ZNF234: variants seen among roughly 807,000 people sequenced by gnomAD.
ZNF234 encodes the protein zinc finger protein 234.
Under a neutral mutation model 10.3 loss-of-function variants are expected in ZNF234, and 4 were observed. The ratio of observed to expected loss-of-function variants is 0.39; its 90% CI spans 0.19 to 0.89. The LOEUF is 0.89. ZNF234 is among the 40% of genes least tolerant of loss of function. The probability of loss-of-function intolerance (pLI) is 0.38; values close to 1 mark genes in which losing one functional copy is unlikely to be tolerated. For missense variants in ZNF234, 711 were observed against 836.1 expected, an observed-to-expected ratio of 0.85 and a Z score of 1.85; for synonymous variants, 258 against 280.1, an observed-to-expected ratio of 0.92 and a Z score of 0.79.
At chr19:44,148,048 T>C (rs1385311675) in intron 3 of ZNF234, among the ~76,000 whole-genome samples, 2 of 152,178 alleles carry the variant, frequency 1.3e-5, no homozygotes, top group Admixed American at 6.5e-5. Flanking sequence ...TAATAATAGA[T>C]AATAGCTAAT....
At position 44,157,664 on chromosome 19, in the gene ZNF234, A is replaced by G. The variant is rs747789071; in HGVS notation, c.1648A>G (p.Ser550Gly). ...FKCEECGKSF[S>G]RSAHLQAHQK... ...ATGTGAAGAGTGTGGGAAGAGCTTC[A>G]GTCGGAGTGCACACCTTCAAGCCCA... Residue 550 changes from serine to glycine, a missense_variant, in exon 6 of 6, where the codon AGT becomes GGT. Ser to Gly is a moderately conservative substitution (Grantham distance 56, BLOSUM62 0). Transcript: ENST00000426739. 1.9e-6 allele frequency: 3 copies of G among 1,614,154 alleles called. No homozygotes were observed. The South Asian group carries it at 3.3e-5, about 18-fold the overall frequency.
chr19:44,150,597 C>A, intron 5 of ZNF234, 92 bp downstream of exon 5: 1 of 1,021,464 alleles, frequency 9.8e-7, no homozygotes, highest in Non-Finnish European at 1.4e-6. Flanking sequence ...TCCAAATTGC[C>A]AAACCTCTGT....
chr19:44,143,418 G>T (rs1419636471), intron 2 of ZNF234, among the ~76,000 whole-genome samples: 1 of 152,082 alleles, frequency 6.6e-6, no homozygotes, highest in Admixed American at 6.5e-5. Flanking sequence ...GACCATCCTG[G>T]CTAACATGGT....
chr19:44,158,612 A>G lies in ZNF234; in HGVS notation c.*493A>G, dbSNP rs548891086. On this transcript the variant is annotated 3_prime_UTR_variant, in exon 6 of 6. Transcript: ENST00000426739. ...TTCTCTTATTTAAAATATTTGTTTTATTTAAGTCAGTGTTTAAGCAATAGC... is the reference window on the plus strand; with the variant it reads ...TTCTCTTATTTAAAATATTTGTTTTGTTTAAGTCAGTGTTTAAGCAATAGC... 2.2e-5 allele frequency: 4 copies of G among 185,434 alleles called. No homozygotes were observed. The East Asian group carries it at 4.6e-4, about 21-fold the overall frequency. The allele number at this position is 185,434 out of a possible 1,614,324, so 11.5% of individuals were successfully genotyped here.
chr19:44,156,574 T>C lies in ZNF234; in HGVS notation c.558T>C (p.Cys186=), dbSNP rs775049777. ...GTGATGAGTGTGGAAAAAGCTTCTGTTACATCTCAGCCCTTCATATTCATC... is the reference window on the plus strand; with the variant it reads ...GTGATGAGTGTGGAAAAAGCTTCTGCTACATCTCAGCCCTTCATATTCATC... ...HTCDECGKSF[C]YISALHIHQR... Residue 186 remains cysteine, a synonymous_variant, in exon 6 of 6, where the codon TGT becomes TGC. Transcript: ENST00000426739. 6.2e-7 allele frequency: 1 copy of C among 1,613,984 alleles called. No homozygotes were observed. The highest frequency in any genetic ancestry group is 1.3e-5 in the African/African-American group (1 of 74,908).
At position 44,158,727 on chromosome 19, in the gene ZNF234, T is replaced by C. The variant is rs996670951; in HGVS notation, c.*608T>C. ...CATTCTGTCAAAACTTTGACATTTA[T>C]GACATGTTACCTAGGAAATAGGACT... On this transcript the variant is annotated 3_prime_UTR_variant, in exon 6 of 6. Coordinates refer to ENST00000426739, the MANE Select transcript of ZNF234 (RefSeq NM_006630.3). 2 of 154,356 alleles carry C rather than the reference T, an allele frequency of 1.3e-5. No homozygotes were observed. The allele number at this position is 154,356 out of a possible 1,614,324, so 9.6% of individuals were successfully genotyped here. A position where few individuals can be genotyped will look rare whatever the true frequency, so the allele number is the denominator to read the frequency against.
intron 5 of ZNF234, among the ~76,000 whole-genome samples, chr19:44,155,256 G>T (rs898058138): frequency 1.3e-5 from 2 of 152,090 alleles, no homozygotes; most frequent in African/African-American, 4.8e-5. Context: ...GAATATTCAA[G>T]AATATGGTTG....
At chr19:44,143,391 C>T (rs1329080969) in intron 2 of ZNF234, among the ~76,000 whole-genome samples, 1 of 152,076 alleles carries the variant, frequency 6.6e-6, no homozygotes, top group Non-Finnish European at 1.5e-5. Context: ...GGGCGGATCA[C>T]GAGGTCAGGA....
intron 5 of ZNF234, among the ~76,000 whole-genome samples, chr19:44,152,345 G>A (rs1968762664): frequency 6.6e-6 from 1 of 152,136 alleles, no homozygotes; most frequent in African/African-American, 2.4e-5. Flanking sequence ...AATATCTGTT[G>A]GCATAATGAA....
Position 44,157,495 on chromosome 19 carries a change from T to C in ZNF234, c.1479T>C (p.Phe493=), listed in dbSNP as rs1330980521. 2 of 1,613,938 alleles carry C rather than the reference T, an allele frequency of 1.2e-6. No individual in the cohort carries two copies. Among genetic ancestry groups the C allele is most frequent in the Non-Finnish European group, 8.5e-7 (1 of 1,179,962 alleles). Residue 493 remains phenylalanine, a synonymous_variant, in exon 6 of 6, where the codon TTT becomes TTC. Transcript: ENST00000426739. ...AATGTGAAGAGTGCGGAAAGGGATT[T>C]AGTCGTAGAGCAGATCTTAAAATTC... The part of the protein sequence containing the change: ...PYKCEECGKG[F]SRRADLKIHC...
chr19:44,156,152 C>A lies in ZNF234; in HGVS notation c.236-100C>A, dbSNP rs565860214. ...GGAAAAGACCATTACACAAACTGGACCTTCTCTGGATTTGTTAAAATCGCA... is the reference window on the plus strand; with the variant it reads ...GGAAAAGACCATTACACAAACTGGAACTTCTCTGGATTTGTTAAAATCGCA... On this transcript the variant is annotated intron_variant, in intron 5 of 5. Coordinates refer to ENST00000426739, the MANE Select transcript of ZNF234 (RefSeq NM_006630.3). 3.0e-5 allele frequency: 32 copies of A among 1,070,126 alleles called. 1 individual carries two copies. The highest frequency in any genetic ancestry group is 4.3e-5 in the Non-Finnish European group (32 of 738,148). The allele number at this position is 1,070,126 out of a possible 1,614,324, so 66.3% of individuals were successfully genotyped here.
intron 3 of ZNF234, among the ~76,000 whole-genome samples, chr19:44,146,756 C>T (rs1172487845): frequency 6.7e-6 from 1 of 149,582 alleles, no homozygotes; most frequent in African/African-American, 2.5e-5. Context: ...TTATAACCTG[C>T]TTTTGGTCAT....
rs946969829 is a variant in ZNF234 at position 44,157,887 on chromosome 19, A to G, written c.1871A>G (p.Tyr624Cys). 1 of 1,614,170 alleles carries G rather than the reference A, an allele frequency of 6.2e-7. No homozygotes were observed. Among genetic ancestry groups the G allele is most frequent in the African/African-American group, 1.3e-5 (1 of 75,044 alleles). ...HQSVHTGEKP[Y>C]KCDVCGKVFS... Reference sequence around the variant, plus strand: ...AGTGTCCACACAGGAGAGAAACCATACAAATGTGATGTATGTGGTAAAGTC... The same window carrying G: ...AGTGTCCACACAGGAGAGAAACCATGCAAATGTGATGTATGTGGTAAAGTC... The change falls in exon 6 of 6, where the codon TAC becomes TGC. Residue 624 changes from tyrosine (Y) to cysteine (C), a missense_variant. Physicochemically the swap from Tyr to Cys is radical, Grantham distance 194. Transcript: ENST00000426739.
chr19:44,148,986 TAG>T, intron 4 of ZNF234, 89 bp downstream of exon 4: 1 of 1,466,872 alleles, frequency 6.8e-7, no homozygotes, highest in South Asian at 1.4e-5. Context: ...GGTCTTGAAT[TAG>T]TCGCCTACAT....
chr19:44,152,276 T>C (rs959255821), intron 5 of ZNF234, among the ~76,000 whole-genome samples: 10 of 152,218 alleles, frequency 6.6e-5, no homozygotes, highest in Non-Finnish European at 1.5e-4. Context: ...TTTGTTTGTT[T>C]ATTACTCTAT....
chr19:44,143,723 A>C (rs188472108), intron 2 of ZNF234, among the ~76,000 whole-genome samples: 91 of 152,256 alleles, frequency 6.0e-4, no homozygotes, highest in Middle Eastern at 3.4e-3. Flanking sequence ...GAGGCATGAG[A>C]ATCGCTTGAA....
rs1239362699 is a variant in ZNF234 at position 44,157,700 on chromosome 19, C to T, written c.1684C>T (p.His562Tyr). Reference protein sequence around the residue: ...SAHLQAHQKVHTGEKPYKCGE... With the variant: ...SAHLQAHQKVYTGEKPYKCGE... ...ACACCTTCAAGCCCATCAAAAAGTC[C>T]ACACTGGAGAAAAGCCATACAAATG... The change falls in exon 6 of 6, where the codon CAC (histidine) becomes TAC (tyrosine). Residue 562 changes from histidine (H) to tyrosine (Y), a missense_variant. By Grantham distance (83) the His-to-Tyr change is moderately conservative (BLOSUM62 2). Coordinates refer to ENST00000426739, the MANE Select transcript of ZNF234 (RefSeq NM_006630.3). The T allele has an allele frequency of 1.2e-6, 2 of 1,614,056 alleles. No individual in the cohort carries two copies. The highest frequency in any genetic ancestry group is 1.7e-6 in the Non-Finnish European group (2 of 1,180,018).
At chr19:44,154,628 C>CTTTTTTTTTTTT (rs779013573) in intron 5 of ZNF234, among the ~76,000 whole-genome samples, 3 of 102,452 alleles carry the variant, frequency 2.9e-5, no homozygotes, top group African/African-American at 4.0e-5. Flanking sequence ...TTCTCTTTTT[C>CTTTTTTTTTTTT]TTTTTTTTTT....
chr19:44,155,470 C>G (rs959914749), intron 5 of ZNF234, among the ~76,000 whole-genome samples: 3 of 151,916 alleles, frequency 2.0e-5, no homozygotes, highest in African/African-American at 4.8e-5. Context: ...ATTCTTTATT[C>G]TTACAATAAA....
Sources: gnomAD v4.1 joint callset for allele counts (sites outside exome capture counted in the v4.1 genomes callset) on GRCh38, gnomAD v4.1.1 for gene constraint, MANE v1.5 for transcripts, NCBI Gene and HGNC (gene_info 2026-07-23, HGNC 2026-07-21) for gene names.